The following RYR3 variants were observed in gnomAD, a reference collection of about 807,000 sequenced individuals.
RYR3 encodes the protein ryanodine receptor 3.
Under a neutral mutation model 584.3 loss-of-function variants are expected in RYR3, and 207 were observed. That is an observed-to-expected ratio of 0.35 (90% CI 0.32 to 0.40). The LOEUF is 0.40. Ranked by LOEUF, RYR3 falls within the 10% of genes least tolerant of loss-of-function variation. The pLI is 1.00. For missense variants in RYR3, 5,616 were observed against 6,089.2 expected (o/e 0.92, Z 2.59); for synonymous variants, 2,416 against 2,248.5 (o/e 1.07, Z -2.11).
chr15:33,377,323 T>G (rs1419654647), intron 1 of RYR3, among the ~76,000 whole-genome samples: 1 of 152,200 alleles, frequency 6.6e-6, no homozygotes, highest in Non-Finnish European at 1.5e-5. Context: ...GCTGCTTCCA[T>G]CTGATATCTG....
At chr15:33,771,638 A>G (rs116380188) in intron 62 of RYR3, among the ~76,000 whole-genome samples, 6,751 of 152,262 alleles carry the variant, frequency 0.044, 504 homozygotes, top group African/African-American at 0.15. Context: ...CTTACTGTAG[A>G]TAATAGTGGG....
At chr15:33,729,640 A>G (rs1350402059) in intron 47 of RYR3, among the ~76,000 whole-genome samples, 1 of 152,144 alleles carries the variant, frequency 6.6e-6, no homozygotes, top group Non-Finnish European at 1.5e-5. Flanking sequence ...TTCACCATCA[A>G]CAAACATCAA....
In RYR3 at chr15:33,660,433, G is replaced by C; in HGVS notation, c.4622+10G>C. 1 of 1,535,168 alleles carries C rather than the reference G, an allele frequency of 6.5e-7. No individual in the cohort carries two copies. Reference sequence around the variant, plus strand: ...TCCCCGAGGAGAACAGGTACCAGAGGGGCCCGCGAAGGAAGGGGCAGGCCT... The same window carrying C: ...TCCCCGAGGAGAACAGGTACCAGAGCGGCCCGCGAAGGAAGGGGCAGGCCT... On this transcript the variant is annotated intron_variant, in intron 34 of 103. Transcript: ENST00000634891.
intron 1 of RYR3, among the ~76,000 whole-genome samples, chr15:33,401,108 G>C (rs559773226): frequency 3.0e-4 from 45 of 152,258 alleles, no homozygotes; most frequent in Middle Eastern, 3.4e-3. Flanking sequence ...TGCAGCATGG[G>C]AAGTGTCCCC....
At chr15:33,518,978 A>G (rs774711180) in intron 3 of RYR3, among the ~76,000 whole-genome samples, 17 of 152,240 alleles carry the variant, frequency 1.1e-4, no homozygotes, top group Non-Finnish European at 1.6e-4. Context: ...AGAACATAAG[A>G]TCAGAGCTGA....
chr15:33,791,393 C>T (rs1053094966), intron 67 of RYR3, among the ~76,000 whole-genome samples: 1 of 151,796 alleles, frequency 6.6e-6, no homozygotes, highest in Non-Finnish European at 1.5e-5. Context: ...CCCCTACATT[C>T]GGAGAGAGAG....
At chr15:33,863,164 G>A (rs1204846972) in intron 102 of RYR3, among the ~76,000 whole-genome samples, 1 of 152,132 alleles carries the variant, frequency 6.6e-6, no homozygotes, top group Non-Finnish European at 1.5e-5. Context: ...GCAAGCTTGA[G>A]GGGAAAGAAC....
intron 1 of RYR3, among the ~76,000 whole-genome samples, chr15:33,317,154 C>T (rs1968296706): frequency 6.6e-6 from 1 of 152,170 alleles, no homozygotes; most frequent in South Asian, 2.1e-4. Flanking sequence ...CGTAGCTCTT[C>T]CTTTCATAGC....
rs947103510 is a variant in RYR3, at chr15:33,726,423, G to T, written c.6950G>T (p.Arg2317Met). The change falls in exon 46 of 104, where the codon AGG (arginine) becomes ATG (methionine). Residue 2317 changes from arginine to methionine, a missense_variant. Arg to Met is a moderately conservative substitution (Grantham distance 91). Around this residue, in one of 9 missense-constraint regions of RYR3, gnomAD observed 1,280 missense variants for 1,426.2 expected, o/e 0.90. Transcript: ENST00000634891. Reference sequence around the variant, plus strand: ...GGAAAGGGGGAAGCCATCCGCATCAGGTCCATCCTGCGCTCCCTGGTCCCC... The same window carrying T: ...GGAAAGGGGGAAGCCATCCGCATCATGTCCATCCTGCGCTCCCTGGTCCCC... ...QTGKGEAIRI[R>M]SILRSLVPTE... The T allele has an allele frequency of 1.2e-6, 2 of 1,612,584 alleles. No homozygotes were observed. The highest frequency in any genetic ancestry group is 1.3e-5 in the African/African-American group (1 of 74,916).
chr15:33,330,024 C>T (rs1400344546), intron 1 of RYR3, among the ~76,000 whole-genome samples: 1 of 152,108 alleles, frequency 6.6e-6, no homozygotes, highest in Admixed American at 6.6e-5. Context: ...TCCTTCAGGG[C>T]AGTCTTCTTA....
At chr15:33,504,407 A>G (rs2052281707) in intron 3 of RYR3, among the ~76,000 whole-genome samples, 1 of 152,190 alleles carries the variant, frequency 6.6e-6, no homozygotes, top group Admixed American at 6.5e-5. Flanking sequence ...GTCATCAAAT[A>G]CTTTAATTCT....
intron 65 of RYR3, among the ~76,000 whole-genome samples, chr15:33,785,405 T>C (rs1177900228): frequency 6.6e-6 from 1 of 152,204 alleles, no homozygotes; most frequent in African/African-American, 2.4e-5. Flanking sequence ...CTCATCCTTG[T>C]GTCTGCTGTA....
At chr15:33,620,412 G>A (rs769048852) in intron 19 of RYR3, among the ~76,000 whole-genome samples, 29 of 152,122 alleles carry the variant, frequency 1.9e-4, no homozygotes, top group Non-Finnish European at 3.7e-4. Context: ...GATAGGCTGT[G>A]GCTGATAGAA....
intron 14 of RYR3, among the ~76,000 whole-genome samples, chr15:33,583,272 C>T (rs964990279): frequency 2.0e-5 from 3 of 152,212 alleles, no homozygotes; most frequent in Non-Finnish European, 2.9e-5. Flanking sequence ...TTTATAGTTA[C>T]ATGTTGCTAT....
intron 1 of RYR3, among the ~76,000 whole-genome samples, chr15:33,435,304 C>T (rs188822702): frequency 2.0e-5 from 3 of 151,616 alleles, no homozygotes; most frequent in Admixed American, 2.0e-4. Context: ...GTCATACTCT[C>T]TGTATTTTTC....
chr15:33,445,664 A>AACACACACACACACACACACAC lies in RYR3; in HGVS notation c.52-27726_52-27705dup, dbSNP rs61585713. Among the ~76,000 whole-genome samples the AACACACACACACACACACACAC allele has an allele frequency of 1.3e-4, 14 of 106,040 alleles. 1 individual carries two copies. The highest frequency in any genetic ancestry group is 3.8e-4 in the African/African-American group (10 of 26,630). The allele number at this position is 106,040 out of a possible 152,430, so 69.6% of individuals were successfully genotyped here. On this transcript the variant is annotated intron_variant, in intron 1 of 103. Transcript: ENST00000634891. ...AATAAATACCACCCTTTCCCCCACC[A>AACACACACACACACACACACAC]ACACACACACACACACACACACACA...
intron 2 of RYR3, among the ~76,000 whole-genome samples, chr15:33,497,019 C>T (rs1178735276): frequency 6.6e-6 from 1 of 152,164 alleles, no homozygotes; most frequent in African/African-American, 2.4e-5. Context: ...TTGTTTCCTT[C>T]TCTAAGGACT....
In RYR3 at chr15:33,540,819, A is replaced by C. The variant is rs2055758039; in HGVS notation, c.575A>C (p.Gln192Pro). The change falls in exon 7 of 104, where the codon CAA (glutamine) becomes CCA (proline). Residue 192 changes from glutamine to proline, a missense_variant. Coordinates refer to ENST00000634891, the MANE Select transcript of RYR3 (RefSeq NM_001036.6). The stretch of plus-strand genomic sequence containing the variant: ...CTCTCAGTATCAAATGGTAACATAC[A>C]AGTGGATGCCTCCTTTATGCAAACA... Reference protein sequence around the residue: ...LHLSVSNGNIQVDASFMQTLW... With the variant: ...LHLSVSNGNIPVDASFMQTLW... 6.2e-7 allele frequency: 1 copy of C among 1,611,536 alleles called. No homozygotes were observed. The highest frequency in any genetic ancestry group is 8.5e-7 in the Non-Finnish European group (1 of 1,177,936).
intron 1 of RYR3, among the ~76,000 whole-genome samples, chr15:33,445,085 T>A (rs1354924724): frequency 6.6e-6 from 1 of 152,092 alleles, no homozygotes; most frequent in African/African-American, 2.4e-5. Context: ...ATGATTTCAT[T>A]TACATTTTGC....
Sources: gnomAD v4.1 joint callset for allele counts (sites outside exome capture counted in the v4.1 genomes callset) on GRCh38, gnomAD v4.1.1 for gene constraint, gnomAD v4.1.1 regional missense constraint, MANE v1.5 for transcripts, NCBI Gene and HGNC (gene_info 2026-07-23, HGNC 2026-07-21) for gene names.